ITGAX: variants seen among roughly 807,000 people sequenced by gnomAD.
ITGAX encodes integrin subunit alpha X.
ITGAX carries 99 observed loss-of-function variants against 140.2 expected under a neutral mutation model. The observed-to-expected ratio is 0.71, with a 90% CI of 0.60 to 0.83. The LOEUF is 0.83. Ranked by LOEUF, ITGAX falls within the 40% of genes least tolerant of loss-of-function variation. The probability of loss-of-function intolerance (pLI) is 0.00; values close to 1 mark genes in which losing one functional copy is unlikely to be tolerated. For synonymous variants in ITGAX, 631 were observed against 600.4 expected (o/e 1.05, Z -0.75); for missense variants, 1,444 against 1,482.0 (o/e 0.97, Z 0.42).
Position 31,362,674 on chromosome 16 carries a change from A to C in ITGAX, c.1280A>C (p.Tyr427Ser), listed in dbSNP as rs762723924. ...VQSLVLGAPR[Y>S]QHTGKAVIFT... is the part of the protein sequence containing the mutation. ...AGCCTGGTCCTGGGGGCCCCCCGCTACCAGCACACCGGGAAGGCTGTCATC... is the reference window on the plus strand; with the variant it reads ...AGCCTGGTCCTGGGGGCCCCCCGCTCCCAGCACACCGGGAAGGCTGTCATC... The change falls in exon 12 of 30, where the codon TAC becomes TCC. Residue 427 changes from tyrosine to serine, a missense_variant. Tyr to Ser is a moderately radical substitution (Grantham distance 144). Coordinates refer to ENST00000268296, the MANE Select transcript of ITGAX (RefSeq NM_000887.5). 6.2e-7 allele frequency: 1 copy of C among 1,613,796 alleles called. No homozygotes were observed. The highest frequency in any genetic ancestry group is 8.5e-7 in the Non-Finnish European group (1 of 1,179,864).
chr16:31,374,869 T>C (rs1198879463), intron 20 of ITGAX, among the ~76,000 whole-genome samples: 3 of 152,268 alleles, frequency 2.0e-5, no homozygotes, highest in African/African-American at 4.8e-5. Flanking sequence ...TGCAACAGTG[T>C]TGAAAGGTGA....
intron 12 of ITGAX, 83 bp from the exon 13 acceptor site, chr16:31,362,852 T>C: frequency 6.2e-7 from 1 of 1,606,076 alleles, no homozygotes; most frequent in Non-Finnish European, 8.5e-7. Context: ...GGGGAGGTCC[T>C]GGTACCTGGG....
chr16:31,361,725 A>G, intron 9 of ITGAX, 111 bp from the exon 10 acceptor site: 2 of 1,189,002 alleles, frequency 1.7e-6, no homozygotes, highest in Non-Finnish European at 2.5e-6. Context: ...TGTCACAGGC[A>G]CCAGCTCTCC....
Position 31,379,749 on chromosome 16 carries a change from C to T in ITGAX, c.2869-8C>T. The T allele has an allele frequency of 6.2e-7, 1 of 1,612,422 alleles. No homozygotes were observed. The highest frequency in any genetic ancestry group is 8.5e-7 in the Non-Finnish European group (1 of 1,179,208). On this transcript the variant is annotated splice_polypyrimidine_tract_variant and splice_region_variant and intron_variant, in intron 24 of 29. Transcript: ENST00000268296. ...GCGTGGGCTCTGCCCTCAGTGCCCT[C>T]TGTGCAGGTCAATAACCTGGGACAG...
rs566027535 is a variant in ITGAX at position 31,371,426 on chromosome 16, C to G, written c.1934C>G (p.Ser645Cys). Residue 645 changes from serine (S) to cysteine (C), a missense_variant, in exon 16 of 30, where the codon TCT becomes TGT. Physicochemically the swap from Ser to Cys is moderately radical, Grantham distance 112. Coordinates refer to ENST00000268296, the MANE Select transcript of ITGAX (RefSeq NM_000887.5). ...TTTGAGTGTCGGGAGCAGGTGGTCT[C>G]TGAGCAGACCCTGGTACAGTCCAAC... The part of the protein sequence containing the change: ...SAFECREQVV[S>C]EQTLVQSNIC... 1.9e-6 allele frequency: 3 copies of G among 1,614,172 alleles called. No individual in the cohort carries two copies. The highest frequency in any genetic ancestry group is 2.2e-5 in the East Asian group (1 of 44,880).
intron 14 of ITGAX, among the ~76,000 whole-genome samples, chr16:31,369,265 G>A (rs1478429879): frequency 2.8e-5 from 4 of 143,166 alleles, no homozygotes; most frequent in Middle Eastern, 3.5e-3. Context: ...TCCTGGACGA[G>A]GCAGCTGGCC....
rs200214510 is a variant in ITGAX at position 31,371,687 on chromosome 16, C to T, written c.2063C>T (p.Pro688Leu). 28 of 1,614,144 alleles carry T rather than the reference C, an allele frequency of 1.7e-5. No homozygotes were observed. In the South Asian group the frequency reaches 2.2e-4, roughly 13 times the overall value. Residue 688 changes from proline (P) to leucine (L), a missense_variant, in exon 17 of 30, where the codon CCC becomes CTC. Coordinates refer to ENST00000268296, the MANE Select transcript of ITGAX (RefSeq NM_000887.5). The part of the protein sequence containing the change: ...DLALDPGRLS[P>L]RATFQETKNR... Reference sequence around the variant, plus strand: ...GCCCTCGACCCTGGCCGCCTGAGTCCCCGTGCCACCTTCCAGGAAACAAAG... The same window carrying T: ...GCCCTCGACCCTGGCCGCCTGAGTCTCCGTGCCACCTTCCAGGAAACAAAG...
rs201727159 is a variant in ITGAX at position 31,360,480 on chromosome 16, C to T, written c.861+17C>T. ...GCAATTGGGGTAGGGCGTGGGATGG[C>T]TTCCCACTTCTCCCACGGCTTCCTC... is the stretch of plus-strand genomic sequence containing the variant. On this transcript the variant is annotated intron_variant, in intron 8 of 29. Coordinates refer to ENST00000268296, the MANE Select transcript of ITGAX (RefSeq NM_000887.5). 2,893 of 1,585,634 alleles carry T rather than the reference C, an allele frequency of 1.8e-3. 3 individuals are homozygous for T. Among genetic ancestry groups the T allele is most frequent in the Non-Finnish European group, 2.4e-3 (2,749 of 1,165,530 alleles).
At chr16:31,361,730 C>A in intron 9 of ITGAX, 106 bp from the exon 10 acceptor site, 3 of 1,224,824 alleles carry the variant, frequency 2.4e-6, no homozygotes, top group Non-Finnish European at 3.6e-6. Context: ...CAGGCACCAG[C>A]TCTCCCTGTA....
At chr16:31,366,632 C>T (rs2080895413) in intron 14 of ITGAX, among the ~76,000 whole-genome samples, 1 of 152,236 alleles carries the variant, frequency 6.6e-6, no homozygotes, top group African/African-American at 2.4e-5. Flanking sequence ...TCTCCTGCCT[C>T]AGCCTTCTGA....
intron 3 of ITGAX, 144 bp from the exon 4 acceptor site, chr16:31,356,887 G>T: frequency 1.2e-6 from 1 of 826,608 alleles, no homozygotes; most frequent in Admixed American, 2.8e-5. Context: ...CCCGCCCATC[G>T]CACTCCCGCA....
At chr16:31,362,822 G>T in intron 12 of ITGAX, 69 bp downstream of exon 12, 1 of 1,606,798 alleles carries the variant, frequency 6.2e-7, no homozygotes, top group South Asian at 1.1e-5. Flanking sequence ...GGAGAGGATG[G>T]AGGGGCTTTG....
chr16:31,363,179 G>T lies in ITGAX; in HGVS notation c.1515G>T (p.Trp505Cys), dbSNP rs758212587. The change falls in exon 14 of 30, where the codon TGG becomes TGT. Residue 505 changes from tryptophan to cysteine, a missense_variant. By Grantham distance (215) the Trp-to-Cys change is radical. Coordinates refer to ENST00000268296, the MANE Select transcript of ITGAX (RefSeq NM_000887.5). ...CPLPRGWRRW[W>C]CDAVLYGEQG... The stretch of plus-strand genomic sequence containing the variant: ...TTTTTCTGCAGTGGAGAAGGTGGTG[G>T]TGTGATGCTGTTCTCTACGGGGAGC... 4 of 1,611,180 alleles carry T rather than the reference G, an allele frequency of 2.5e-6. No individual in the cohort carries two copies. The South Asian group carries it at 4.4e-5, about 18-fold the overall frequency.
chr16:31,382,239 T>G lies in ITGAX; in HGVS notation c.*332T>G. ...TCTTTCTTTCCTTTCTTTTTTTTTT[T>G]TTTTCTTTTCTTTTTTTTTTTTTTG... On this transcript the variant is annotated 3_prime_UTR_variant, in exon 30 of 30. Coordinates refer to ENST00000268296, the MANE Select transcript of ITGAX (RefSeq NM_000887.5). 11 of 1,175,556 alleles carry G rather than the reference T, an allele frequency of 9.4e-6. No individual in the cohort carries two copies. Among genetic ancestry groups the G allele is most frequent in the Non-Finnish European group, 1.2e-5 (11 of 921,534 alleles). 72.8% of individuals were successfully genotyped at this position (1,175,556 alleles called of 1,614,324 possible). A position where few individuals can be genotyped will look rare whatever the true frequency, so the allele number is the denominator to read the frequency against.
rs778496418 is a variant in ITGAX, at chr16:31,362,096, G to A, written c.1108G>A (p.Val370Met). 12 of 1,614,042 alleles carry A rather than the reference G, an allele frequency of 7.4e-6. No homozygotes were observed. The African/African-American group carries it at 1.6e-4, about 22-fold the overall frequency. The change falls in exon 11 of 30, where the codon GTG becomes ATG. Residue 370 changes from valine to methionine, a missense_variant. Coordinates refer to ENST00000268296, the MANE Select transcript of ITGAX (RefSeq NM_000887.5). ...CCAGGATGGCCCCGTTCTGGGGGCTGTGGGGAGCTTCACCTGGTCTGGAGG... is the reference window on the plus strand; with the variant it reads ...CCAGGATGGCCCCGTTCTGGGGGCTATGGGGAGCTTCACCTGGTCTGGAGG... ...FTPDGPVLGA[V>M]GSFTWSGGAF...
chr16:31,377,018 T>A lies in ITGAX; in HGVS notation c.2644T>A (p.Phe882Ile). 1 of 1,614,226 alleles carries A rather than the reference T, an allele frequency of 6.2e-7. No individual in the cohort carries two copies. The highest frequency in any genetic ancestry group is 1.1e-5 in the South Asian group (1 of 91,090). ...TCCTCAGATCACCTTCTTGGCTACC[T>A]TTGACGTCTCCCCCAAGGCTGTCCT... ...GGAQITFLAT[F>I]DVSPKAVLGD... is the part of the protein sequence containing the mutation. Residue 882 changes from phenylalanine to isoleucine, a missense_variant, in exon 22 of 30, where the codon TTT becomes ATT. Coordinates refer to ENST00000268296, the MANE Select transcript of ITGAX (RefSeq NM_000887.5).
chr16:31,377,155 G>A (rs772750971), intron 22 of ITGAX, 27 bp from the exon 23 acceptor site: 2 of 1,613,030 alleles, frequency 1.2e-6, no homozygotes, highest in Non-Finnish European at 1.7e-6. Context: ...GGGGCCTCTG[G>A]CAACTGAGTC....
rs1162068262 is a variant in ITGAX, at chr16:31,361,177, C to T, written c.976C>T (p.Gln326Ter). The T allele has an allele frequency of 1.9e-6, 3 of 1,613,384 alleles. No individual in the cohort carries two copies. The highest frequency in any genetic ancestry group is 1.3e-5 in the African/African-American group (1 of 75,018). Residue 326 changes from glutamine to a stop codon, truncating the protein, a stop_gained, in exon 9 of 30, where the codon CAA becomes TAA. Coordinates refer to ENST00000268296, the MANE Select transcript of ITGAX (RefSeq NM_000887.5). LOFTEE classifies it high-confidence loss of function. Reference protein sequence around the residue: ...VEDFDALKDIQNQLKEKIFAI... With the variant: ...VEDFDALKDI ...GGACTTTGATGCTCTGAAAGATATT[C>T]AAAACCAACTGAAGGAGAAGATCTT... is the stretch of plus-strand genomic sequence containing the variant.
At chr16:31,364,426 CA>C (rs56776715) in intron 14 of ITGAX, among the ~76,000 whole-genome samples, 7,105 of 42,484 alleles carry the variant, frequency 0.17, 139 homozygotes, top group African/African-American at 0.32. Context: ...AATCCCGTGT[CA>C]AAAAAAAAAA....
Sources: allele counts gnomAD v4.1 joint callset (sites outside exome capture counted in the v4.1 genomes callset), GRCh38; gene constraint gnomAD v4.1.1; transcripts MANE v1.5; gene names NCBI Gene and HGNC (gene_info 2026-07-23, HGNC 2026-07-21).